Variants in SLC1A6 observed in about 807,000 individuals in gnomAD.
SLC1A6 encodes the protein solute carrier family 1 member 6, also known as excitatory amino acid transporter 4.
A neutral mutation model predicts 42.1 loss-of-function variants in SLC1A6; 15 were observed. The observed-to-expected ratio is 0.36, with a 90% CI of 0.24 to 0.55. The LOEUF is 0.55. Ranked by LOEUF, SLC1A6 falls within the 20% of genes least tolerant of loss-of-function variation. The pLI is 0.88. For synonymous variants in SLC1A6, 317 were observed against 319.7 expected, an observed-to-expected ratio of 0.99 and a Z score of 0.09; for missense variants, 542 against 772.5, an observed-to-expected ratio of 0.70 and a Z score of 3.54.
chr19:14,996,537 CTTCTTCTTCTTCTTCTTCTTCTTG>C (rs2045847512), intron 1 of SLC1A6, among the ~76,000 whole-genome samples: 1 of 139,682 alleles, frequency 7.2e-6, no homozygotes, highest in African/African-American at 2.8e-5. Flanking sequence ...CTTTCTTCTT[CTTCTTCTTCTTCTTCTTCTTCTTG>C]TTCTTCTTCC....
intron 4 of SLC1A6, among the ~76,000 whole-genome samples, chr19:14,967,466 G>A (rs1282431102): frequency 6.6e-6 from 1 of 152,132 alleles, no homozygotes; most frequent in Non-Finnish European, 1.5e-5. Context: ...TGGGACAGGA[G>A]GTCAGACACG....
intron 1 of SLC1A6, chr19:15,010,417 G>A: frequency 4.4e-6 from 2 of 455,742 alleles, no homozygotes; most frequent in Non-Finnish European, 8.7e-6. Flanking sequence ...TGAAAGAAGG[G>A]CCATGTGCTG....
rs747693288 is a variant in SLC1A6, at chr19:14,962,283, A to G, written c.654T>C (p.Ser218=). 39 of 1,614,074 alleles carry G rather than the reference A, an allele frequency of 2.4e-5. No individual in the cohort carries two copies. Among genetic ancestry groups the G allele is most frequent in the Non-Finnish European group, 3.1e-5 (37 of 1,180,038 alleles). The stretch of plus-strand genomic sequence containing the variant: ...GAGGAGGCATGGAGGCACCCGGCTC[A>G]GACCCGTTCTCTGTCCTCACCATGG... ...TRTMVRTENG[S]EPGASMPPPF... The change falls in exon 6 of 10, where the codon TCT becomes TCC. Residue 218 remains serine (S), a synonymous_variant. Coordinates refer to ENST00000594383, the MANE Select transcript of SLC1A6 (RefSeq NM_005071.3).
chr19:14,995,425 C>T (rs1019702446), intron 1 of SLC1A6, among the ~76,000 whole-genome samples: 1 of 150,634 alleles, frequency 6.6e-6, no homozygotes, highest in African/African-American at 2.4e-5. Context: ...GGTTACCATA[C>T]CATAGCCTTG....
At position 14,967,515 on chromosome 19, in the gene SLC1A6, C is replaced by T. The variant is rs191214960; in HGVS notation, c.548+788G>A. 2.0e-5 allele frequency among the ~76,000 whole-genome samples: 3 copies of T among 152,260 alleles called. No individual in the cohort carries two copies. The East Asian group carries it at 5.8e-4, about 29-fold the overall frequency. On this transcript the variant is annotated intron_variant, in intron 4 of 9. Coordinates refer to ENST00000594383, the MANE Select transcript of SLC1A6 (RefSeq NM_005071.3). ...TCTCCCTTTTATAATCTAGACACAA[C>T]AACTAACCCACATTAATGTTATTAA... is the stretch of plus-strand genomic sequence containing the variant.
chr19:14,952,618 T>C (rs1223315872), intron 9 of SLC1A6, among the ~76,000 whole-genome samples: 1 of 152,032 alleles, frequency 6.6e-6, no homozygotes, highest in East Asian at 2.0e-4. Context: ...TTTGTATTTT[T>C]AGTAGAGACA....
chr19:14,962,334 C>T lies in SLC1A6; in HGVS notation c.603G>A (p.Gln201=), dbSNP rs763108559. The T allele has an allele frequency of 3.7e-5, 59 of 1,612,908 alleles. No homozygotes were observed. The Admixed American group carries it at 9.8e-4, about 27-fold the overall frequency. Residue 201 remains glutamine, a synonymous_variant, in exon 6 of 10, where the codon CAG becomes CAA. Transcript: ENST00000594383. ...TCCTGGTTACCACCCTCGTGCTGTA[C>T]TGCGTCTTGAACTGAAATAGAGAGA... The part of the protein sequence containing the change: ...VEACFKQFKT[Q]YSTRVVTRTM...
chr19:14,973,879 G>C (rs1338695169), intron 1 of SLC1A6: 1 of 151,928 alleles, frequency 6.6e-6, no homozygotes, highest in Non-Finnish European at 1.5e-5. Context: ...GCAACAGGGA[G>C]AGCGGGGAGT....
chr19:14,998,478 T>C (rs1413384647), intron 1 of SLC1A6, among the ~76,000 whole-genome samples: 2 of 151,940 alleles, frequency 1.3e-5, no homozygotes, highest in Admixed American at 1.3e-4. Context: ...CAGGGAGAGG[T>C]TGCAGCGAGC....
chr19:14,955,409 C>G (rs1262196599), intron 7 of SLC1A6, among the ~76,000 whole-genome samples: 1 of 151,798 alleles, frequency 6.6e-6, no homozygotes, highest in Non-Finnish European at 1.5e-5. Flanking sequence ...GGCAAAACCC[C>G]GTCTCTACCA....
chr19:14,969,214 G>T (rs770340903), intron 3 of SLC1A6, among the ~76,000 whole-genome samples: 1 of 151,994 alleles, frequency 6.6e-6, no homozygotes, highest in Admixed American at 6.6e-5. Flanking sequence ...CCCACCTCAC[G>T]GCGCACCCTT....
chr19:14,951,570 G>T (rs940190506), intron 9 of SLC1A6, among the ~76,000 whole-genome samples: 4 of 151,754 alleles, frequency 2.6e-5, no homozygotes, highest in African/African-American at 7.3e-5. Flanking sequence ...AGGCTGGAGT[G>T]CAGTGGTGCG....
intron 4 of SLC1A6, among the ~76,000 whole-genome samples, chr19:14,965,714 G>A (rs1174748661): frequency 6.6e-6 from 1 of 152,042 alleles, no homozygotes; most frequent in African/African-American, 2.4e-5. Flanking sequence ...GCTGGGCATG[G>A]TGGCAGGCAC....
In SLC1A6 at chr19:14,979,082, A is replaced by ACG. The variant is rs2045744535; in HGVS notation, c.-8+226_-8+227insCG. ...CACACACACACACACACACACACAC[A>ACG]CACACACACACACACTAATGCCCAG... On this transcript the variant is annotated intron_variant, in intron 1 of 9. Coordinates refer to ENST00000594383, the MANE Select transcript of SLC1A6 (RefSeq NM_005071.3). The surrounding 1 kb of genome is among the most constrained non-coding windows in gnomAD (Gnocchi z 4.2). 6.6e-6 allele frequency among the ~76,000 whole-genome samples: 1 copy of ACG among 151,366 alleles called. No homozygotes were observed. Among genetic ancestry groups the ACG allele is most frequent in the African/African-American group, 2.4e-5 (1 of 41,124 alleles).
At chr19:14,975,625 G>A (rs1180938441) in intron 1 of SLC1A6, among the ~76,000 whole-genome samples, 2 of 151,680 alleles carry the variant, frequency 1.3e-5, no homozygotes, top group South Asian at 2.1e-4. Flanking sequence ...TGTGTCACAC[G>A]CCTGTAATCC....
intron 4 of SLC1A6, among the ~76,000 whole-genome samples, 179 bp from the exon 5 acceptor site, chr19:14,964,540 G>C (rs553579811): frequency 1.3e-5 from 2 of 152,170 alleles, no homozygotes; most frequent in East Asian, 3.9e-4. Flanking sequence ...AATAACCCTA[G>C]ACATGAGTCC....
At chr19:14,961,724 A>C (rs764204239) in intron 6 of SLC1A6, 32 of 397,070 alleles carry the variant, frequency 8.1e-5, no homozygotes, top group South Asian at 5.5e-4. Flanking sequence ...GCAGTGAATG[A>C]ATCATTGCAG....
chr19:14,992,114 A>G (rs1383444123), intron 1 of SLC1A6, among the ~76,000 whole-genome samples: 2 of 152,232 alleles, frequency 1.3e-5, no homozygotes, highest in Admixed American at 1.3e-4. Context: ...GCGTGAGCCA[A>G]CGCGCCCAGT....
intron 5 of SLC1A6, 118 bp downstream of exon 5, chr19:14,964,201 C>A (rs1460148826): frequency 9.9e-6 from 8 of 812,010 alleles, no homozygotes; most frequent in Non-Finnish European, 1.5e-5. Context: ...CTCAAGAACC[C>A]CTGCCCATTG....
Sources: gnomAD v4.1 joint callset for allele counts (sites outside exome capture counted in the v4.1 genomes callset) on GRCh38, gnomAD v4.1.1 for gene constraint, Gnocchi (gnomAD v3.1) non-coding constraint, MANE v1.5 for transcripts, NCBI Gene and HGNC (gene_info 2026-07-23, HGNC 2026-07-21) for gene names.